The following PCDHGA5 variants were observed in gnomAD, a reference collection of about 807,000 sequenced individuals.
PCDHGA5 encodes protocadherin gamma-A5.
PCDHGA5 carries 36 observed loss-of-function variants against 56.7 expected under a neutral mutation model. The ratio of observed to expected loss-of-function variants is 0.64; its 90% CI spans 0.49 to 0.84. The LOEUF is 0.84. Among genes scored for constraint, PCDHGA5 ranks in the 40% least tolerant of loss-of-function variants. The probability of loss-of-function intolerance (pLI) is 0.00; values close to 1 mark genes in which losing one functional copy is unlikely to be tolerated. For synonymous variants in PCDHGA5, 563 were observed against 520.2 expected, an observed-to-expected ratio of 1.08 and a Z score of -1.12; for missense variants, 1,305 against 1,201.5, an observed-to-expected ratio of 1.09 and a Z score of -1.27.
At chr5:141,412,931 T>A in intron 1 of PCDHGA5, 1 of 453,226 alleles carries the variant, frequency 2.2e-6, no homozygotes, top group Non-Finnish European at 3.9e-6. Context: ...CAGTAACTTC[T>A]TAGGACTCTG....
At chr5:141,376,066 C>G in intron 1 of PCDHGA5, 1 of 1,613,396 alleles carries the variant, frequency 6.2e-7, no homozygotes, top group Non-Finnish European at 8.5e-7. Context: ...TCACGCTCAC[C>G]GTGGCCGTGG....
chr5:141,477,298 T>C lies in PCDHGA5; in HGVS notation c.2422-17509T>C. ...TGGTGACCTGCGAAGTTCCACCGGG[T>C]CTCCCTTTCAGCCTTACTTCTTCCC... On this transcript the variant is annotated intron_variant, in intron 1 of 3. Coordinates refer to ENST00000518069, the MANE Select transcript of PCDHGA5 (RefSeq NM_018918.3). This position sits in a 1 kb window ranked among gnomAD's most constrained non-coding sequence, Gnocchi z 4.9. 1 of 1,613,344 alleles carries C rather than the reference T, an allele frequency of 6.2e-7. No individual in the cohort carries two copies. Among genetic ancestry groups the C allele is most frequent in the Non-Finnish European group, 8.5e-7 (1 of 1,179,870 alleles).
chr5:141,434,795 T>C (rs1027924206), intron 1 of PCDHGA5, among the ~76,000 whole-genome samples: 2 of 152,004 alleles, frequency 1.3e-5, no homozygotes, highest in African/African-American at 2.4e-5. Context: ...TTTTTTTTTC[T>C]GAGCTTGGAG....
intron 1 of PCDHGA5, chr5:141,394,727 C>G (rs971156422): frequency 8.7e-6 from 14 of 1,613,436 alleles, no homozygotes; most frequent in Middle Eastern, 1.6e-4. Flanking sequence ...GAGATGCGCT[C>G]AAGCAGAGCC....
At chr5:141,446,669 C>T (rs554578186) in intron 1 of PCDHGA5, among the ~76,000 whole-genome samples, 2 of 152,182 alleles carry the variant, frequency 1.3e-5, no homozygotes, top group Admixed American at 1.3e-4. Flanking sequence ...TACAAGACAG[C>T]ATTTCACCAT....
At chr5:141,484,863 G>T (rs561595169) in intron 1 of PCDHGA5, 136 of 273,782 alleles carry the variant, frequency 5.0e-4, no homozygotes, top group African/African-American at 2.8e-3. Context: ...GGGGGTGGGG[G>T]AGCGTGGAGG....
rs2099402935 is a variant in PCDHGA5, at chr5:141,476,991, G to A, written c.2422-17816G>A. On this transcript the variant is annotated intron_variant, in intron 1 of 3. Transcript: ENST00000518069. The surrounding 1 kb of genome is among the most constrained non-coding windows in gnomAD (Gnocchi z 7.6). ...GGCAGCCACAACCGCGCCGGCGTGC[G>A]GCAACTATTCGCCTTAGACCTTGTA... 4 of 1,614,094 alleles carry A rather than the reference G, an allele frequency of 2.5e-6. No homozygotes were observed. Among genetic ancestry groups the A allele is most frequent in the Non-Finnish European group, 3.4e-6 (4 of 1,180,056 alleles).
chr5:141,418,916 T>C (rs766021059), intron 1 of PCDHGA5: 26 of 1,613,830 alleles, frequency 1.6e-5, no homozygotes, highest in Non-Finnish European at 1.7e-6. Context: ...CACGTCACTC[T>C]CTGATCAGAT....
At chr5:141,423,066 C>T (rs1375575018) in intron 1 of PCDHGA5, 2 of 1,614,002 alleles carry the variant, frequency 1.2e-6, no homozygotes, top group South Asian at 1.1e-5. Context: ...TTAAGGCCAG[C>T]GAGCCGGGAC....
rs1474643025 is a variant in PCDHGA5 at position 141,370,777 on chromosome 5, AC to A, written c.2421+4027del. 10 of 1,613,896 alleles carry A rather than the reference AC, an allele frequency of 6.2e-6. No homozygotes were observed. The African/African-American group carries it at 1.2e-4, about 19-fold the overall frequency. ...ACTGTGCTGATCCAGGATATTAACG[AC>A]AACCCACCGACCTTTAGCCAAAATA... On this transcript the variant is annotated intron_variant, in intron 1 of 3. Transcript: ENST00000518069.
chr5:141,401,841 CACTT>C (rs1043132396), intron 1 of PCDHGA5, among the ~76,000 whole-genome samples: 6 of 152,114 alleles, frequency 3.9e-5, no homozygotes, highest in Non-Finnish European at 8.8e-5. Flanking sequence ...CTTATAATAC[CACTT>C]ACTTTTAACC....
intron 1 of PCDHGA5, chr5:141,422,658 C>T (rs2096662185): frequency 6.2e-7 from 1 of 1,609,912 alleles, no homozygotes; most frequent in Non-Finnish European, 8.5e-7. Context: ...CAGTGACCGC[C>T]CTCGACCCGG....
intron 2 of PCDHGA5, among the ~76,000 whole-genome samples, chr5:141,500,008 C>T (rs1027220192): frequency 6.6e-6 from 1 of 151,770 alleles, no homozygotes; most frequent in African/African-American, 2.4e-5. Flanking sequence ...TTCATAAGGT[C>T]CACATTTTAT....
intron 1 of PCDHGA5, chr5:141,421,914 T>C: frequency 4.3e-6 from 7 of 1,613,742 alleles, no homozygotes; most frequent in Non-Finnish European, 5.9e-6. Flanking sequence ...CAGTTCCCAT[T>C]CGTGTGGTGG....
chr5:141,402,908 G>C (rs772824235), intron 1 of PCDHGA5: 1 of 1,545,226 alleles, frequency 6.5e-7, no homozygotes, highest in African/African-American at 1.4e-5. Flanking sequence ...TGATGAAGCA[G>C]CGCGCACAGA....
intron 1 of PCDHGA5, chr5:141,404,265 T>A: frequency 6.2e-7 from 1 of 1,613,998 alleles, no homozygotes; most frequent in Non-Finnish European, 8.5e-7. Context: ...GAAATTCACA[T>A]CACCCTGCAA....
intron 1 of PCDHGA5, chr5:141,421,959 A>T: frequency 6.2e-7 from 1 of 1,612,798 alleles, no homozygotes; most frequent in Non-Finnish European, 8.5e-7. Flanking sequence ...CAATGTTTAC[A>T]CAGTCCGTAT....
At chr5:141,452,411 A>G (rs965622061) in intron 1 of PCDHGA5, among the ~76,000 whole-genome samples, 8 of 152,200 alleles carry the variant, frequency 5.3e-5, no homozygotes, top group African/African-American at 1.9e-4. Context: ...GGTGTGAGGT[A>G]TGCTCACTGC....
rs753013611 is a variant in PCDHGA5 at position 141,364,978 on chromosome 5, T to C, written c.648T>C (p.Asp216=). The C allele has an allele frequency of 1.9e-5, 31 of 1,613,774 alleles. No individual in the cohort carries two copies. Among genetic ancestry groups the C allele is most frequent in the Admixed American group, 5.0e-5 (3 of 59,994 alleles). ...TVHDLLLTAL[D]GGDPVLSGTT... is the part of the protein sequence containing the mutation. ...ACGACCTCCTCCTCACAGCTTTAGA[T>C]GGCGGAGACCCGGTACTCTCCGGCA... is the stretch of plus-strand genomic sequence containing the variant. The change falls in exon 1 of 4, where the codon GAT becomes GAC. Residue 216 remains aspartate (D), a synonymous_variant. Transcript: ENST00000518069.
Sources: allele counts gnomAD v4.1 joint callset (sites outside exome capture counted in the v4.1 genomes callset), GRCh38; gene constraint gnomAD v4.1.1; non-coding constraint Gnocchi (gnomAD v3.1); transcripts MANE v1.5; gene names NCBI Gene and HGNC (gene_info 2026-07-23, HGNC 2026-07-21).